Variants in CPAP observed in about 807,000 individuals in gnomAD.
CPAP encodes the protein centrosomal P4.1-associated protein.
the CPAP span, chr13:24,904,017 C>A: frequency 1.2e-6 from 2 of 1,614,008 alleles, no homozygotes; most frequent in South Asian, 1.1e-5. Flanking sequence ...GTTTCCAATT[C>A]AATAATTTTC....
At chr13:24,899,502 G>A in the CPAP span, 1 of 1,613,338 alleles carries the variant, frequency 6.2e-7, no homozygotes, top group Non-Finnish European at 8.5e-7. Flanking sequence ...TCCTTTTGTA[G>A]CTTCCTCATC....
the CPAP span, chr13:24,910,201 C>T: frequency 1.5e-4 from 148 of 971,032 alleles, no homozygotes; most frequent in Non-Finnish European, 2.1e-4. Flanking sequence ...AGTATTTTTT[C>T]CCTTTATTAG....
At chr13:24,907,299 T>C in the CPAP span, 2 of 926,908 alleles carry the variant, frequency 2.2e-6, no homozygotes, top group Non-Finnish European at 3.4e-6. Flanking sequence ...GAACTAACTT[T>C]TCCCAAAATC....
chr13:24,919,424 CT>C, the CPAP span, among the ~76,000 whole-genome samples: 486 of 147,908 alleles, frequency 3.3e-3, 1 homozygote, highest in African/African-American at 8.5e-3. Flanking sequence ...ATTTTTTAAT[CT>C]TTTTTTTTTT....
At chr13:24,884,526 C>A in the CPAP span, 1 of 1,513,628 alleles carries the variant, frequency 6.6e-7, no homozygotes, top group South Asian at 1.1e-5. Context: ...GGCTAATTCT[C>A]CTCCCAACTG....
the CPAP span, among the ~76,000 whole-genome samples, chr13:24,922,412 T>C: frequency 6.6e-6 from 1 of 151,844 alleles, no homozygotes; most frequent in African/African-American, 2.4e-5. Context: ...GACCGGCCCT[T>C]AGGACAGCCA....
chr13:24,895,258 T>A, the CPAP span, among the ~76,000 whole-genome samples: 1 of 152,232 alleles, frequency 6.6e-6, no homozygotes, highest in African/African-American at 2.4e-5. Context: ...GCGCAGTAGA[T>A]GCCAGACCCC....
chr13:24,932,034 C>A, the CPAP span, among the ~76,000 whole-genome samples: 1 of 152,248 alleles, frequency 6.6e-6, no homozygotes, highest in Non-Finnish European at 1.5e-5. Flanking sequence ...CGCCTTCTGG[C>A]GACGGTCCCT....
At chr13:24,892,063 C>T in the CPAP span, among the ~76,000 whole-genome samples, 1 of 152,218 alleles carries the variant, frequency 6.6e-6, no homozygotes, top group Non-Finnish European at 1.5e-5. Flanking sequence ...TGGCTTATTA[C>T]AGTCTTTCTT....
At chr13:24,919,203 G>A in the CPAP span, among the ~76,000 whole-genome samples, 4 of 152,102 alleles carry the variant, frequency 2.6e-5, no homozygotes, top group African/African-American at 9.7e-5. Flanking sequence ...AATTTTCAAC[G>A]AAGTGACCAA....
the CPAP span, chr13:24,905,871 T>C: frequency 3.1e-6 from 5 of 1,614,056 alleles, no homozygotes; most frequent in African/African-American, 5.3e-5. Context: ...CTGATGCCCC[T>C]CTCTCTATCC....
the CPAP span, chr13:24,884,554 TG>T: frequency 1.6e-6 from 2 of 1,224,370 alleles, no homozygotes; most frequent in Non-Finnish European, 2.4e-6. Flanking sequence ...TGAAATTTTT[TG>T]TAATAAAATG....
chr13:24,909,816 T>C, the CPAP span: 1 of 1,613,214 alleles, frequency 6.2e-7, no homozygotes, highest in Non-Finnish European at 8.5e-7. Flanking sequence ...GTTTTCTTCT[T>C]TTAAATTATT....
chr13:24,917,111 G>T, the CPAP span, among the ~76,000 whole-genome samples: 1 of 152,064 alleles, frequency 6.6e-6, no homozygotes, highest in Non-Finnish European at 1.5e-5. Context: ...TTAGCCGGGG[G>T]TGGTGGCGGG....
chr13:24,923,563 T>C, the CPAP span, among the ~76,000 whole-genome samples: 1 of 152,188 alleles, frequency 6.6e-6, no homozygotes, highest in African/African-American at 2.4e-5. Context: ...CCCTTTAATC[T>C]AGGAAGTTAC....
At chr13:24,922,949 C>A in the CPAP span, 1 of 152,376 alleles carries the variant, frequency 6.6e-6, no homozygotes, top group African/African-American at 2.4e-5. Context: ...AGTGAAACTA[C>A]AACTCCCAGT....
the CPAP span, among the ~76,000 whole-genome samples, chr13:24,918,688 G>A: frequency 6.6e-6 from 1 of 152,114 alleles, no homozygotes; most frequent in African/African-American, 2.4e-5. Context: ...TTTATGTTTT[G>A]TGTCTAAAAA....
chr13:24,895,129 G>C, the CPAP span, among the ~76,000 whole-genome samples: 9,084 of 152,344 alleles, frequency 0.06, 919 homozygotes, highest in African/African-American at 0.21. Context: ...GGAAGAAAGC[G>C]CAGAAGCCAG....
the CPAP span, among the ~76,000 whole-genome samples, chr13:24,902,946 G>A: frequency 1.3e-5 from 2 of 152,034 alleles, no homozygotes; most frequent in Admixed American, 6.6e-5. Flanking sequence ...AAAGAAATAC[G>A]GTGTGTATGT....
Sources: allele counts gnomAD v4.1 joint callset (sites outside exome capture counted in the v4.1 genomes callset), GRCh38; gene constraint gnomAD v4.1.1; transcripts MANE v1.5; gene names NCBI Gene and HGNC (gene_info 2026-07-23, HGNC 2026-07-21).